The following CD53 variants were observed in gnomAD, a reference collection of about 807,000 sequenced individuals.
The protein encoded by CD53 is leukocyte surface antigen CD53.
CD53 carries 20 observed loss-of-function variants against 27.3 expected under a neutral mutation model. The ratio of observed to expected loss-of-function variants is 0.73; its 90% confidence interval spans 0.52 to 1.07. The LOEUF (loss-of-function observed/expected upper bound fraction) is 1.07. Ranked by LOEUF, CD53 falls within the 50% of genes least tolerant of loss-of-function variation. CD53 has a pLI of 0.00. For synonymous variants in CD53, 106 were observed against 105.3 expected (o/e 1.01, Z -0.04); for missense variants, 216 against 264.0 (o/e 0.82, Z 1.26).
At chr1:110,875,537 A>G (rs1656094379) in intron 1 of CD53, among the ~76,000 whole-genome samples, 1 of 152,172 alleles carries the variant, frequency 6.6e-6, no homozygotes, top group Admixed American at 6.5e-5. Context: ...GCATTGATTC[A>G]GTTATAGTGG....
rs1553203678 is a variant in CD53 at position 110,886,846 on chromosome 1, A to AAT, written c.-17-4523_-17-4522dup. ...GGCAACAGAGCGAGACTCTGTCTCC[A>AAT]ATATATATATATATATATATATATT... On this transcript the variant is annotated intron_variant, in intron 1 of 7. Transcript: ENST00000271324. Among the ~76,000 whole-genome samples, 771 of 100,996 alleles carry AAT rather than the reference A, an allele frequency of 7.6e-3. 8 individuals carry two copies. Among genetic ancestry groups the AAT allele is most frequent in the South Asian group, 0.023 (64 of 2,792 alleles). 66.3% of individuals were successfully genotyped at this position (100,996 alleles called of 152,430 possible).
rs568589026 is a variant in CD53 at position 110,877,861 on chromosome 1, G to C, written c.-18+4613G>C. On this transcript the variant is annotated intron_variant, in intron 1 of 7. Coordinates refer to ENST00000271324, the MANE Select transcript of CD53 (RefSeq NM_000560.4). Reference sequence around the variant, plus strand: ...TACAACTGCTTATTACTCTTCAAAAGGACGTACAGCGATAACTTTGATTGC... The same window carrying C: ...TACAACTGCTTATTACTCTTCAAAACGACGTACAGCGATAACTTTGATTGC... 1.9e-4 allele frequency among the ~76,000 whole-genome samples: 29 copies of C among 152,266 alleles called. No homozygotes were observed. In the South Asian group the frequency reaches 5.8e-3, roughly 30 times the overall value.
intron 1 of CD53, among the ~76,000 whole-genome samples, chr1:110,874,594 G>A (rs1220450697): frequency 6.6e-6 from 1 of 152,238 alleles, no homozygotes; most frequent in Admixed American, 6.5e-5. Context: ...TGAAATTGTG[G>A]TTGAATGGGA....
At chr1:110,880,885 CACAA>C (rs994461820) in intron 1 of CD53, among the ~76,000 whole-genome samples, 1 of 152,030 alleles carries the variant, frequency 6.6e-6, no homozygotes, top group African/African-American at 2.4e-5. Context: ...AAGACTTAGA[CACAA>C]ACAGAGAGGA....
intron 6 of CD53, 35 bp downstream of exon 6, chr1:110,896,768 C>T: frequency 6.4e-7 from 1 of 1,568,728 alleles, no homozygotes; most frequent in South Asian, 1.1e-5. Context: ...TTATTGACCT[C>T]TTTGTTTAAA....
intron 1 of CD53, among the ~76,000 whole-genome samples, chr1:110,881,107 T>A (rs1656337770): frequency 6.6e-6 from 1 of 152,066 alleles, no homozygotes; most frequent in Non-Finnish European, 1.5e-5. Flanking sequence ...AGGAGCAAAT[T>A]AGGAGGGGCC....
intron 2 of CD53, 89 bp from the exon 3 acceptor site, chr1:110,892,256 A>G (rs1570909441): frequency 3.2e-6 from 3 of 944,876 alleles, no homozygotes; most frequent in Non-Finnish European, 3.5e-6. Context: ...TTAAAAATAA[A>G]GTGATTCTGA....
Position 110,889,533 on chromosome 1 carries a change from C to T in CD53, c.-17-1859C>T, listed in dbSNP as rs376477016. 4.8e-4 allele frequency among the ~76,000 whole-genome samples: 73 copies of T among 151,208 alleles called. 1 individual carries two copies. In the East Asian group the frequency reaches 0.011, roughly 24 times the overall value. On this transcript the variant is annotated intron_variant, in intron 1 of 7. Transcript: ENST00000271324. ...AGATCATGCCACTGCATGCCAGCCTCGGCGAAAGAGCAAAACTCCGTCAAA... is the reference window on the plus strand; with the variant it reads ...AGATCATGCCACTGCATGCCAGCCTTGGCGAAAGAGCAAAACTCCGTCAAA...
chr1:110,892,762 T>C (rs995897494), intron 3 of CD53: 1 of 468,010 alleles, frequency 2.1e-6, no homozygotes, highest in African/African-American at 2.0e-5. Context: ...CATTTTTATA[T>C]TGCTAATAAT....
At chr1:110,887,360 A>G (rs1002522260) in intron 1 of CD53, among the ~76,000 whole-genome samples, 4 of 152,110 alleles carry the variant, frequency 2.6e-5, no homozygotes, top group Admixed American at 6.5e-5. Flanking sequence ...CACCGCGCCC[A>G]GCCTATTTTT....
rs746762387 is a variant in CD53, at chr1:110,899,659, T to C, written c.*464T>C. 3 of 161,986 alleles carry C rather than the reference T, an allele frequency of 1.9e-5. No individual in the cohort carries two copies. Among genetic ancestry groups the C allele is most frequent in the South Asian group, 3.4e-4 (2 of 5,884 alleles). 10.0% of individuals were successfully genotyped at this position (161,986 alleles called of 1,614,324 possible). A position where few individuals can be genotyped will look rare whatever the true frequency, so the allele number is the denominator to read the frequency against. ...CATTGTCACAACCCTCTGTTTCTCT[T>C]TGACTAAGTGCCCTGGCTACAGGAA... On this transcript the variant is annotated 3_prime_UTR_variant, in exon 8 of 8. Transcript: ENST00000271324.
At chr1:110,871,301 G>A (rs1395247197), upstream of CD53, among the ~76,000 whole-genome samples, 4 of 152,196 alleles carry the variant, frequency 2.6e-5, no homozygotes, top group Non-Finnish European at 5.9e-5. Context: ...GGGTTGGAGA[G>A]AGGTGGTCTG....
intron 2 of CD53, among the ~76,000 whole-genome samples, chr1:110,891,917 T>C (rs1010889737): frequency 1.3e-5 from 2 of 152,230 alleles, no homozygotes; most frequent in African/African-American, 4.8e-5. Flanking sequence ...TTGGTACTTG[T>C]GTATATGAGA....
rs71575170 is a variant in CD53 at position 110,886,869 on chromosome 1, A to ATT, written c.-17-4514_-17-4513dup. On this transcript the variant is annotated intron_variant, in intron 1 of 7. Transcript: ENST00000271324. ...CCAATATATATATATATATATATAT[A>ATT]TTTTTTTTTTCTGTCTGTGTTTCTT... 1.3e-3 allele frequency among the ~76,000 whole-genome samples: 111 copies of ATT among 82,784 alleles called. 2 individuals are homozygous for ATT. Among genetic ancestry groups the ATT allele is most frequent in the Middle Eastern group, 0.013 (2 of 156 alleles). 54.3% of individuals were successfully genotyped at this position (82,784 alleles called of 152,430 possible). A position where few individuals can be genotyped will look rare whatever the true frequency, so the allele number is the denominator to read the frequency against.
intron 5 of CD53, among the ~76,000 whole-genome samples, chr1:110,896,259 G>A (rs1657059094): frequency 6.6e-6 from 1 of 152,110 alleles, no homozygotes. Context: ...TTTGTTTTGT[G>A]GTAAGACTGC....
At chr1:110,878,995 A>C (rs545614706) in intron 1 of CD53, among the ~76,000 whole-genome samples, 15 of 152,126 alleles carry the variant, frequency 9.9e-5, no homozygotes, top group African/African-American at 3.6e-4. Context: ...TGGAAAAAAA[A>C]CATGTGCTTT....
chr1:110,887,087 G>A (rs956319460), intron 1 of CD53, among the ~76,000 whole-genome samples: 3 of 98,970 alleles, frequency 3.0e-5, no homozygotes, highest in Non-Finnish European at 7.3e-5. Context: ...ATTTTGAGAC[G>A]GAGTCTCGCT....
intron 1 of CD53, among the ~76,000 whole-genome samples, chr1:110,888,219 C>T (rs1656707798): frequency 6.6e-6 from 1 of 152,168 alleles, no homozygotes; most frequent in African/African-American, 2.4e-5. Flanking sequence ...ATTTGCGTTG[C>T]TAAGGCACGA....
In CD53 at chr1:110,892,465, A is replaced by G; in HGVS notation, c.184A>G (p.Ile62Val). 1 of 1,613,932 alleles carries G rather than the reference A, an allele frequency of 6.2e-7. No homozygotes were observed. The highest frequency in any genetic ancestry group is 8.5e-7 in the Non-Finnish European group (1 of 1,179,950). ...CAATGTGTTTGTCATCGTGGGCTCT[A>G]TTATCATGGTAGTTGCCTTCCTGGG... ...LGNVFVIVGS[I>V]IMVVAFLGCM... Residue 62 changes from isoleucine to valine, a missense_variant, in exon 3 of 8, where the codon ATT becomes GTT. Coordinates refer to ENST00000271324, the MANE Select transcript of CD53 (RefSeq NM_000560.4).
Sources: gnomAD v4.1 joint callset for allele counts (sites outside exome capture counted in the v4.1 genomes callset) on GRCh38, gnomAD v4.1.1 for gene constraint, MANE v1.5 for transcripts, NCBI Gene and HGNC (gene_info 2026-07-23, HGNC 2026-07-21) for gene names.